The following CNTNAP2 variants were observed in gnomAD, a reference collection of about 807,000 sequenced individuals.
CNTNAP2 encodes the protein contactin associated protein 2, also known as contactin-associated protein-like 2.
Under a neutral mutation model 155.2 loss-of-function variants are expected in CNTNAP2, and 98 were observed. The observed-to-expected ratio is 0.63, with a 90% CI of 0.54 to 0.75. The LOEUF is 0.75. Ranked by LOEUF, CNTNAP2 falls within the 30% of genes least tolerant of loss-of-function variation. The probability of loss-of-function intolerance (pLI) is 0.00; values close to 1 mark genes in which losing one functional copy is unlikely to be tolerated. For synonymous variants in CNTNAP2, 651 were observed against 631.2 expected (o/e 1.03, Z -0.47); for missense variants, 1,727 against 1,688.1 (o/e 1.02, Z -0.40).
At chr7:146,173,591 T>C (rs2116824206) in intron 1 of CNTNAP2, among the ~76,000 whole-genome samples, 1 of 152,336 alleles carries the variant, frequency 6.6e-6, no homozygotes, top group Admixed American at 6.5e-5. Flanking sequence ...ATTTGACAAA[T>C]TTAATTGCCC....
At chr7:147,527,311 CTG>C (rs1260262079) in intron 11 of CNTNAP2, among the ~76,000 whole-genome samples, 9 of 152,080 alleles carry the variant, frequency 5.9e-5, no homozygotes, top group Non-Finnish European at 1.0e-4. Flanking sequence ...GCGTGAGCAA[CTG>C]TGCCCGGCCA....
In CNTNAP2 at chr7:148,194,538, G is replaced by A. The variant is rs543929294; in HGVS notation, c.3010+22060G>A. On this transcript the variant is annotated intron_variant, in intron 18 of 23. Coordinates refer to ENST00000361727, the MANE Select transcript of CNTNAP2 (RefSeq NM_014141.6). ...GATAAGAGGGAATTTATTATTGGAAGTGACTTATGCAATTATGGAGGCCAA... is the reference window on the plus strand; with the variant it reads ...GATAAGAGGGAATTTATTATTGGAAATGACTTATGCAATTATGGAGGCCAA... 6.6e-5 allele frequency among the ~76,000 whole-genome samples: 10 copies of A among 152,262 alleles called. No homozygotes were observed. The South Asian group carries it at 2.1e-3, about 32-fold the overall frequency.
intron 21 of CNTNAP2, among the ~76,000 whole-genome samples, chr7:148,286,380 G>C (rs116968669): frequency 1.5e-4 from 23 of 152,236 alleles, no homozygotes; most frequent in Admixed American, 1.2e-3. Context: ...TCTTGTGGCA[G>C]CCTGGGCTCC....
chr7:147,929,241 T>C (rs947056880), intron 14 of CNTNAP2, among the ~76,000 whole-genome samples: 1 of 152,046 alleles, frequency 6.6e-6, no homozygotes, highest in East Asian at 1.9e-4. Context: ...GCATTTGAAG[T>C]TCAGCTACAC....
At chr7:146,820,922 C>T (rs981052595) in intron 2 of CNTNAP2, among the ~76,000 whole-genome samples, 50 of 152,066 alleles carry the variant, frequency 3.3e-4, no homozygotes, top group African/African-American at 1.1e-3. Context: ...TATGTAATGG[C>T]CTTCTTTGTC....
intron 15 of CNTNAP2, among the ~76,000 whole-genome samples, chr7:148,088,349 C>T (rs957663455): frequency 4.6e-5 from 7 of 151,054 alleles, no homozygotes; most frequent in Admixed American, 6.6e-5. Context: ...GAAATAGAAA[C>T]TTAAAAACAG....
intron 13 of CNTNAP2, among the ~76,000 whole-genome samples, chr7:147,749,738 C>A (rs1456573043): frequency 1.3e-5 from 2 of 152,066 alleles, no homozygotes; most frequent in African/African-American, 4.8e-5. Context: ...CATTACAAAG[C>A]CAAAAGAGAG....
chr7:147,512,871 T>TGGTA (rs1476635107), intron 11 of CNTNAP2, among the ~76,000 whole-genome samples: 1 of 152,184 alleles, frequency 6.6e-6, no homozygotes, highest in Non-Finnish European at 1.5e-5. Context: ...AATAGTTGTA[T>TGGTA]GGTAAAATAA....
intron 21 of CNTNAP2, among the ~76,000 whole-genome samples, chr7:148,345,337 AG>A (rs1435249368): frequency 1.4e-5 from 2 of 145,898 alleles, no homozygotes; most frequent in African/African-American, 5.0e-5. Flanking sequence ...CGCTGTCACT[AG>A]ATTCTATTTT....
chr7:148,312,704 T>TA (rs1306346787), intron 21 of CNTNAP2, among the ~76,000 whole-genome samples: 33 of 152,048 alleles, frequency 2.2e-4, no homozygotes, highest in Non-Finnish European at 3.7e-4. Context: ...GGGGGAATTG[T>TA]AAGGGGAGTT....
intron 20 of CNTNAP2, among the ~76,000 whole-genome samples, chr7:148,251,320 G>C (rs145855371): frequency 1.5e-4 from 23 of 152,160 alleles, no homozygotes; most frequent in Admixed American, 8.5e-4. Flanking sequence ...AATCCAGACC[G>C]GCCAAAGGGA....
intron 3 of CNTNAP2, among the ~76,000 whole-genome samples, chr7:147,028,959 CTTTT>C (rs397889433): frequency 1.2e-4 from 12 of 103,744 alleles, no homozygotes; most frequent in African/African-American, 1.7e-4. Context: ...AAGATATGTT[CTTTT>C]TTTTTTTTTT....
chr7:146,396,556 C>A (rs1392385762), intron 1 of CNTNAP2, among the ~76,000 whole-genome samples: 6 of 150,036 alleles, frequency 4.0e-5, no homozygotes, highest in Non-Finnish European at 7.4e-5. Context: ...TCTGTGTCAA[C>A]AATGAAGTCA....
intron 8 of CNTNAP2, among the ~76,000 whole-genome samples, chr7:147,254,168 C>T (rs1804267234): frequency 6.6e-6 from 1 of 152,158 alleles, no homozygotes; most frequent in Non-Finnish European, 1.5e-5. Context: ...GGGTGCAAGA[C>T]ACAGTCTGTT....
chr7:146,635,109 G>A (rs344443), intron 1 of CNTNAP2, among the ~76,000 whole-genome samples: 6,003 of 151,878 alleles, frequency 0.04, 407 homozygotes, highest in African/African-American at 0.14. Flanking sequence ...GAAAATGTGC[G>A]TCCAGGAATA....
At position 147,302,928 on chromosome 7, in the gene CNTNAP2, G is replaced by T. The variant is rs1794970794; in HGVS notation, c.1498+2638G>T. Among the ~76,000 whole-genome samples the T allele has an allele frequency of 2.0e-5, 3 of 152,338 alleles. No individual in the cohort carries two copies. The South Asian group carries it at 6.2e-4, about 32-fold the overall frequency. On this transcript the variant is annotated intron_variant, in intron 9 of 23. Coordinates refer to ENST00000361727, the MANE Select transcript of CNTNAP2 (RefSeq NM_014141.6). Reference sequence around the variant, plus strand: ...TCATAAACATTCTTCTGCAAGCTCAGTGAGGTCCCAGCTCTCTAACTTGCT... The same window carrying T: ...TCATAAACATTCTTCTGCAAGCTCATTGAGGTCCCAGCTCTCTAACTTGCT...
chr7:148,409,662 A>G lies in CNTNAP2; in HGVS notation c.3796+191A>G, dbSNP rs11764737. Among the ~76,000 whole-genome samples the G allele has an allele frequency of 0.36, 53,947 of 151,542 alleles. 11,613 individuals are homozygous for G. Among genetic ancestry groups the G allele is most frequent in the East Asian group, 0.62 (3,220 of 5,152 alleles). ...CCGGGCACAGTGGCTCACCTCTGTT[A>G]TCCTAGCACTTTGGGAGGCCGAGGT... On this transcript the variant is annotated intron_variant, in intron 23 of 23. Coordinates refer to ENST00000361727, the MANE Select transcript of CNTNAP2 (RefSeq NM_014141.6).
intron 2 of CNTNAP2, among the ~76,000 whole-genome samples, chr7:146,832,595 ATATT>A (rs915495050): frequency 2.2e-4 from 33 of 147,944 alleles, no homozygotes; most frequent in East Asian, 3.9e-4. Flanking sequence ...TAACTTCAAT[ATATT>A]TATTATATAT....
At chr7:146,879,895 C>A (rs753333566) in intron 3 of CNTNAP2, among the ~76,000 whole-genome samples, 1 of 152,024 alleles carries the variant, frequency 6.6e-6, no homozygotes, top group Non-Finnish European at 1.5e-5. Flanking sequence ...CTGGGGAGGC[C>A]TCACTATCAT....
Sources: allele counts gnomAD v4.1 joint callset (sites outside exome capture counted in the v4.1 genomes callset), GRCh38; gene constraint gnomAD v4.1.1; transcripts MANE v1.5; gene names NCBI Gene and HGNC (gene_info 2026-07-23, HGNC 2026-07-21).